ATP9B: variants seen among roughly 807,000 people sequenced by gnomAD.
The protein encoded by ATP9B is ATPase phospholipid transporting 9B.
Under a neutral mutation model 146.1 loss-of-function variants are expected in ATP9B, and 110 were observed. That is an observed-to-expected ratio of 0.75 (90% CI 0.65 to 0.88). The LOEUF (loss-of-function observed/expected upper bound fraction) is 0.88, where lower values mean the gene tolerates loss of function less well. Ranked by LOEUF, ATP9B falls within the 40% of genes least tolerant of loss-of-function variation. ATP9B has a pLI of 0.00. For missense variants in ATP9B, 1,499 were observed against 1,496.4 expected, an observed-to-expected ratio of 1.00 and a Z score of -0.03; for synonymous variants, 604 against 569.7, an observed-to-expected ratio of 1.06 and a Z score of -0.86.
chr18:79,254,690 A>C (rs138383522), intron 12 of ATP9B: 2 of 152,480 alleles, frequency 1.3e-5, no homozygotes, highest in African/African-American at 4.8e-5. Flanking sequence ...GATTAAACCT[A>C]ATAAGGCCCA....
At position 79,120,141 on chromosome 18, in the gene ATP9B, A is replaced by G. The variant is rs1344976902; in HGVS notation, c.559-6126A>G. 2.0e-5 allele frequency among the ~76,000 whole-genome samples: 3 copies of G among 152,234 alleles called. No homozygotes were observed. The East Asian group carries it at 5.8e-4, about 29-fold the overall frequency. ...GCATTTTCTATACCAGTTTATATTAACCCCATTATATCCAGTGCCAGCAAC... is the reference window on the plus strand; with the variant it reads ...GCATTTTCTATACCAGTTTATATTAGCCCCATTATATCCAGTGCCAGCAAC... On this transcript the variant is annotated intron_variant, in intron 4 of 29. Transcript: ENST00000426216.
chr18:79,128,938 A>G (rs1233749693), intron 5 of ATP9B, among the ~76,000 whole-genome samples: 1 of 152,166 alleles, frequency 6.6e-6, no homozygotes, highest in African/African-American at 2.4e-5. Context: ...TCCTGATCTC[A>G]GCACCTTCTC....
At chr18:79,139,486 C>T (rs2094488408) in intron 5 of ATP9B, among the ~76,000 whole-genome samples, 1 of 152,334 alleles carries the variant, frequency 6.6e-6, no homozygotes, top group African/African-American at 2.4e-5. Context: ...GCTCCATTAT[C>T]ATCTTGTTTT....
At position 79,375,762 on chromosome 18, in the gene ATP9B, G is replaced by A. The variant is rs968526770; in HGVS notation, c.3307+336G>A. 8.5e-5 allele frequency: 84 copies of A among 985,280 alleles called. No individual in the cohort carries two copies. In the Admixed American group the frequency reaches 1.4e-3, roughly 16 times the overall value. 61.0% of individuals were successfully genotyped at this position (985,280 alleles called of 1,614,324 possible). A position where few individuals can be genotyped will look rare whatever the true frequency, so the allele number is the denominator to read the frequency against. On this transcript the variant is annotated intron_variant, in intron 29 of 29. Transcript: ENST00000426216. ...AACACTTCCAGGGTCTTCAGAAAAT[G>A]AGTACACACAAACTTAGGAATTCCC...
At chr18:79,256,459 TTA>T (rs1468620861) in intron 12 of ATP9B, among the ~76,000 whole-genome samples, 1 of 151,146 alleles carries the variant, frequency 6.6e-6, no homozygotes, top group Non-Finnish European at 1.5e-5. Flanking sequence ...TTGCATTAAT[TTA>T]TGTCACCTTG....
intron 8 of ATP9B, among the ~76,000 whole-genome samples, chr18:79,179,835 A>G (rs1450994721): frequency 2.0e-5 from 3 of 152,186 alleles, no homozygotes; most frequent in Admixed American, 6.5e-5. Flanking sequence ...AAAAAGTTTT[A>G]TAGTTGTTTT....
rs114669884 is a variant in ATP9B, at chr18:79,105,631, T to G, written c.294-4724T>G. ...GTGAATACACCTTTCTGTAAGCGGT[T>G]GTGAGTCATATTGATAGTTCTCTGA... is the stretch of plus-strand genomic sequence containing the variant. On this transcript the variant is annotated intron_variant, in intron 2 of 29. Coordinates refer to ENST00000426216, the MANE Select transcript of ATP9B (RefSeq NM_198531.5). Among the ~76,000 whole-genome samples the G allele has an allele frequency of 4.4e-3, 673 of 152,350 alleles. 7 individuals are homozygous for G. The highest frequency in any genetic ancestry group is 0.016 in the African/African-American group (651 of 41,572).
intron 12 of ATP9B, chr18:79,254,708 C>T (rs1185903656): frequency 6.6e-6 from 1 of 152,586 alleles, no homozygotes; most frequent in Non-Finnish European, 1.5e-5. Flanking sequence ...CCAGCTTCCC[C>T]GCTCTCCTCT....
intron 13 of ATP9B, among the ~76,000 whole-genome samples, chr18:79,300,681 G>A (rs1311768009): frequency 1.3e-5 from 2 of 152,348 alleles, no homozygotes; most frequent in Admixed American, 6.5e-5. Flanking sequence ...TGTCACAGCC[G>A]CCCAGCAAAC....
At chr18:79,311,442 C>T (rs1224821813) in intron 15 of ATP9B, among the ~76,000 whole-genome samples, 1 of 152,042 alleles carries the variant, frequency 6.6e-6, no homozygotes, top group Admixed American at 6.5e-5. Context: ...ATACGGTGAC[C>T]TCAGGAACAA....
At chr18:79,228,524 G>T (rs12326981) in intron 11 of ATP9B, among the ~76,000 whole-genome samples, 2 of 152,104 alleles carry the variant, frequency 1.3e-5, no homozygotes, top group African/African-American at 4.8e-5. Context: ...ATTGGTTGGG[G>T]ATTAGAAATA....
intron 11 of ATP9B, among the ~76,000 whole-genome samples, chr18:79,242,433 A>G (rs2095898624): frequency 6.6e-6 from 1 of 152,230 alleles, no homozygotes; most frequent in South Asian, 2.1e-4. Context: ...AGTTTACAAA[A>G]TGAAGCCAGC....
At chr18:79,199,850 TAC>T (rs1369973474) in intron 9 of ATP9B, among the ~76,000 whole-genome samples, 1 of 152,178 alleles carries the variant, frequency 6.6e-6, no homozygotes, top group African/African-American at 2.4e-5. Context: ...TGTCTCCTCC[TAC>T]ACATTTTGTC....
At chr18:79,309,871 A>G (rs1360567462) in intron 15 of ATP9B, among the ~76,000 whole-genome samples, 3 of 152,212 alleles carry the variant, frequency 2.0e-5, no homozygotes, top group Non-Finnish European at 2.9e-5. Context: ...TGTAGGTTCC[A>G]TGACTATTGA....
At chr18:79,124,227 T>C (rs1359374876) in intron 4 of ATP9B, among the ~76,000 whole-genome samples, 4 of 152,296 alleles carry the variant, frequency 2.6e-5, no homozygotes, top group South Asian at 2.1e-4. Flanking sequence ...GTGCTTCATT[T>C]TGGGATGATG....
rs534878561 is a variant in ATP9B at position 79,331,076 on chromosome 18, G to A, written c.2028+972G>A. On this transcript the variant is annotated intron_variant, in intron 17 of 29. Transcript: ENST00000426216. ...CCTCATGAGATGATTTTATCGTTAA[G>A]CTTATGTATAAATCAGTAGTTGGAT... 7.9e-5 allele frequency among the ~76,000 whole-genome samples: 12 copies of A among 152,306 alleles called. No individual in the cohort carries two copies. In the South Asian group the frequency reaches 2.5e-3, roughly 32 times the overall value.
At chr18:79,089,973 A>G (rs375438917) in intron 1 of ATP9B, among the ~76,000 whole-genome samples, 65 of 152,282 alleles carry the variant, frequency 4.3e-4, no homozygotes, top group African/African-American at 6.0e-4. Flanking sequence ...CTCTGTCTCC[A>G]TAAGTCCAAC....
intron 12 of ATP9B, chr18:79,254,620 A>G (rs533495063): frequency 5.6e-4 from 85 of 152,418 alleles, no homozygotes; most frequent in African/African-American, 2.0e-3. Context: ...TGCTGCTGAC[A>G]TAGATTTTCT....
chr18:79,374,213 C>G, intron 28 of ATP9B, 112 bp downstream of exon 28: 1 of 1,290,852 alleles, frequency 7.7e-7, no homozygotes, highest in Non-Finnish European at 1.1e-6. Flanking sequence ...TGGTAAAACC[C>G]ATATCAGAAA....
Sources: gnomAD v4.1 joint callset for allele counts (sites outside exome capture counted in the v4.1 genomes callset) on GRCh38, gnomAD v4.1.1 for gene constraint, MANE v1.5 for transcripts, NCBI Gene and HGNC (gene_info 2026-07-23, HGNC 2026-07-21) for gene names.